The following RAP1GAP2 variants were observed in gnomAD, a reference collection of about 807,000 sequenced individuals.
The protein encoded by RAP1GAP2 is RAP1 GTPase activating protein 2.
A neutral mutation model predicts 95.0 loss-of-function variants in RAP1GAP2; 27 were observed. The observed-to-expected ratio is 0.28, with a 90% CI of 0.21 to 0.39. The LOEUF is 0.39. RAP1GAP2 is among the 10% of genes least tolerant of loss of function. The pLI, the probability that RAP1GAP2 is intolerant of heterozygous loss-of-function variation, is 1.00. For missense variants in RAP1GAP2, 771 were observed against 970.0 expected (o/e 0.79, Z 2.72); for synonymous variants, 373 against 380.9 (o/e 0.98, Z 0.24).
At chr17:3,026,858 C>G in intron 21 of RAP1GAP2, 86 bp from the exon 22 acceptor site, 1 of 1,480,938 alleles carries the variant, frequency 6.8e-7, no homozygotes, top group South Asian at 1.3e-5. Context: ...CAGCGGCTGT[C>G]CTGGGCTTTT....
chr17:2,796,611 A>G lies in RAP1GAP2; in HGVS notation c.44+40A>G. 1.3e-6 allele frequency: 2 copies of G among 1,549,912 alleles called. No homozygotes were observed. Among genetic ancestry groups the G allele is most frequent in the Non-Finnish European group, 1.7e-6 (2 of 1,145,084 alleles). ...GGAGGGTGGGGGAATGATGGGAGAG[A>G]ACTTAGAAGTGAAGTCTTGTTAAGT... On this transcript the variant is annotated intron_variant, in intron 1 of 24. Transcript: ENST00000254695. The surrounding 1 kb of genome is among the most constrained non-coding windows in gnomAD (Gnocchi z 4.7).
At chr17:2,947,085 G>A (rs184541968) in intron 3 of RAP1GAP2, among the ~76,000 whole-genome samples, 2 of 152,302 alleles carry the variant, frequency 1.3e-5, no homozygotes, top group East Asian at 1.9e-4. Flanking sequence ...CCCCCAGGTG[G>A]TTCTGTGGCA....
At chr17:3,009,047 T>G (rs909996227) in intron 17 of RAP1GAP2, among the ~76,000 whole-genome samples, 2 of 152,132 alleles carry the variant, frequency 1.3e-5, no homozygotes, top group Non-Finnish European at 2.9e-5. Flanking sequence ...CTGGGGGCAT[T>G]ATGTGTGGGA....
At position 2,817,898 on chromosome 17, in the gene RAP1GAP2, A is replaced by G. The variant is rs2070097694; in HGVS notation, c.80+17348A>G. On this transcript the variant is annotated intron_variant, in intron 2 of 24. Transcript: ENST00000254695. ...TGTTGCCCAGGCTGGAATGTAGGGC[A>G]CAATCTCAGCTCACTGCAACCTCTG... Among the ~76,000 whole-genome samples, 3 of 65,754 alleles carry G rather than the reference A, an allele frequency of 4.6e-5. 1 individual carries two copies. 43.1% of individuals were successfully genotyped at this position (65,754 alleles called of 152,430 possible).
intron 2 of RAP1GAP2, among the ~76,000 whole-genome samples, chr17:2,820,057 A>G (rs1341103785): frequency 6.6e-6 from 1 of 152,204 alleles, no homozygotes; most frequent in East Asian, 1.9e-4. Context: ...TTGGGATTAC[A>G]GGCGGGAGCC....
chr17:2,770,937 A>G (rs2068378577), intron 2 of RAP1GAP2, among the ~76,000 whole-genome samples: 1 of 152,100 alleles, frequency 6.6e-6, no homozygotes, highest in South Asian at 2.1e-4. Flanking sequence ...GCTACTCGGG[A>G]TTGAGTAGCT....
At position 2,972,621 on chromosome 17, in the gene RAP1GAP2, G is replaced by C. The variant is rs80059744; in HGVS notation, c.596+6978G>C. On this transcript the variant is annotated intron_variant, in intron 8 of 24. Coordinates refer to ENST00000254695, the MANE Select transcript of RAP1GAP2 (RefSeq NM_015085.5). ...CTCAAAAAAAAAAAAAAAAAAAAAG[G>C]ATCTTTTTGAATAAAATCAGTCAAA... 1.0e-4 allele frequency among the ~76,000 whole-genome samples: 13 copies of C among 129,162 alleles called. No homozygotes were observed. In the South Asian group the frequency reaches 3.1e-3, roughly 31 times the overall value. 84.7% of individuals were successfully genotyped at this position (129,162 alleles called of 152,430 possible). A position where few individuals can be genotyped will look rare whatever the true frequency, so the allele number is the denominator to read the frequency against.
At chr17:2,929,256 C>A (rs566672455) in intron 3 of RAP1GAP2, among the ~76,000 whole-genome samples, 9 of 152,088 alleles carry the variant, frequency 5.9e-5, no homozygotes, top group Non-Finnish European at 1.0e-4. Flanking sequence ...AAGGCAGGGG[C>A]CTTTGGGGAA....
chr17:2,898,862 A>G (rs2041928908), intron 2 of RAP1GAP2, among the ~76,000 whole-genome samples: 4 of 147,246 alleles, frequency 2.7e-5, no homozygotes, highest in Non-Finnish European at 6.0e-5. Context: ...CGTTTTACAG[A>G]TGAGGAAGCT....
rs1291563939 is a variant in RAP1GAP2, at chr17:2,867,746, C to T, written c.81-37538C>T. On this transcript the variant is annotated intron_variant, in intron 2 of 24. Coordinates refer to ENST00000254695, the MANE Select transcript of RAP1GAP2 (RefSeq NM_015085.5). This position sits in a 1 kb window ranked among gnomAD's most constrained non-coding sequence, Gnocchi z 4.5. ...CTCTCAGAAGCTCAGGGGATGGAAG[C>T]TGGGCAGTAAAAATGCCAACAGCTG... Among the ~76,000 whole-genome samples the T allele has an allele frequency of 6.6e-6, 1 of 152,140 alleles. No individual in the cohort carries two copies. Among genetic ancestry groups the T allele is most frequent in the Non-Finnish European group, 1.5e-5 (1 of 68,030 alleles).
rs35213780 is a variant in RAP1GAP2 at position 3,027,144 on chromosome 17, C to A, written c.2107+74C>A. The A allele has an allele frequency of 2.0e-6, 3 of 1,482,072 alleles. No homozygotes were observed. The highest frequency in any genetic ancestry group is 2.2e-5 in the Admixed American group (1 of 45,858). The allele number at this position is 1,482,072 out of a possible 1,614,324, so 91.8% of individuals were successfully genotyped here. ...TGCCCTGTCCACTGTTAGCAGGGCC[C>A]CAGCCACGCTGAACTGGCCAGTTTT... is the stretch of plus-strand genomic sequence containing the variant. On this transcript the variant is annotated intron_variant, in intron 22 of 24. Transcript: ENST00000254695. This position sits in a 1 kb window ranked among gnomAD's most constrained non-coding sequence, Gnocchi z 5.2.
At chr17:3,011,668 G>A (rs2046552101) in intron 17 of RAP1GAP2, among the ~76,000 whole-genome samples, 1 of 135,590 alleles carries the variant, frequency 7.4e-6, no homozygotes, top group Non-Finnish European at 1.5e-5. Context: ...GGCTCAGGCT[G>A]GAGTGCAGTG....
chr17:2,844,216 T>C (rs1319987547), intron 2 of RAP1GAP2, among the ~76,000 whole-genome samples: 1 of 152,010 alleles, frequency 6.6e-6, no homozygotes, highest in African/African-American at 2.4e-5. Flanking sequence ...GAGATGGTGT[T>C]TCGCCATTTT....
intron 3 of RAP1GAP2, among the ~76,000 whole-genome samples, chr17:2,908,026 C>T (rs866097558): frequency 6.6e-6 from 1 of 151,886 alleles, no homozygotes; most frequent in Non-Finnish European, 1.5e-5. Flanking sequence ...AGGCTGGTCT[C>T]GAACTCCTGA....
chr17:2,975,098 C>T (rs1218998974), intron 8 of RAP1GAP2, among the ~76,000 whole-genome samples: 2 of 152,094 alleles, frequency 1.3e-5, no homozygotes, highest in Non-Finnish European at 2.9e-5. Flanking sequence ...GGCGTAGTGG[C>T]ATGTGCCTGT....
rs2069085099 is a variant in RAP1GAP2 at position 2,796,450 on chromosome 17, G to A, written c.-78G>A. On this transcript the variant is annotated 5_prime_UTR_variant, in exon 1 of 25. Transcript: ENST00000254695. The surrounding 1 kb of genome is among the most constrained non-coding windows in gnomAD (Gnocchi z 4.7). ...GCCCTGCACCGGCACTGACCCCGCT[G>A]TACCACGGCCCTCTTGCGGACAGCC... 2.0e-6 allele frequency: 3 copies of A among 1,506,668 alleles called. No homozygotes were observed. The African/African-American group carries it at 4.2e-5, about 21-fold the overall frequency. 93.3% of individuals were successfully genotyped at this position (1,506,668 alleles called of 1,614,324 possible).
upstream of RAP1GAP2, among the ~76,000 whole-genome samples, chr17:2,774,645 G>A (rs1490866272): frequency 1.3e-5 from 2 of 148,514 alleles, no homozygotes; most frequent in African/African-American, 5.0e-5. Context: ...GCTAATTTTT[G>A]TATTTTTAGT....
chr17:2,792,491 A>G (rs999702521), upstream of RAP1GAP2, among the ~76,000 whole-genome samples: 2 of 152,160 alleles, frequency 1.3e-5, no homozygotes, highest in African/African-American at 2.4e-5. Flanking sequence ...AGCGTGGGAA[A>G]GGCCCTAGGA....
intron 2 of RAP1GAP2, among the ~76,000 whole-genome samples, chr17:2,834,003 C>T (rs2092568175): frequency 6.6e-6 from 1 of 152,168 alleles, no homozygotes; most frequent in South Asian, 2.1e-4. Context: ...CAGAGAAGCA[C>T]TGTCCTCCGT....
Sources: allele counts gnomAD v4.1 joint callset (sites outside exome capture counted in the v4.1 genomes callset), GRCh38; gene constraint gnomAD v4.1.1; non-coding constraint Gnocchi (gnomAD v3.1); transcripts MANE v1.5; gene names NCBI Gene and HGNC (gene_info 2026-07-23, HGNC 2026-07-21).